ST6GALNAC3: variants seen among roughly 807,000 people sequenced by gnomAD.
ST6GALNAC3 encodes alpha-N-acetylgalactosaminide alpha-2,6-sialyltransferase 3.
In ST6GALNAC3, 25 loss-of-function variants were observed where a neutral mutation model predicts 32.7. The ratio of observed to expected loss-of-function variants is 0.76; its 90% CI spans 0.56 to 1.07. ST6GALNAC3 has a LOEUF of 1.07. ST6GALNAC3 is among the 50% of genes least tolerant of loss of function. The pLI is 0.00. For missense variants in ST6GALNAC3, 355 were observed against 382.4 expected, an observed-to-expected ratio of 0.93 and a Z score of 0.60; for synonymous variants, 129 against 133.1, an observed-to-expected ratio of 0.97 and a Z score of 0.21.
chr1:76,307,576 T>C (rs1456868139), intron 1 of ST6GALNAC3, among the ~76,000 whole-genome samples: 1 of 152,142 alleles, frequency 6.6e-6, no homozygotes, highest in Non-Finnish European at 1.5e-5. Context: ...ATATTTATTA[T>C]TGAATAAATG....
At position 76,613,974 on chromosome 1, in the gene ST6GALNAC3, ACAT is replaced by A; in HGVS notation, c.624-13474_624-13472del. ...ACATCTCCTTGGTATATCCTTAGAC[ACAT>A]CATGGAGTCTCTCTGTTACATCATC... On this transcript the variant is annotated intron_variant, in intron 3 of 4. Transcript: ENST00000328299. Among the ~76,000 whole-genome samples, 3 of 152,368 alleles carry A rather than the reference ACAT, an allele frequency of 2.0e-5. 1 individual carries two copies. In the East Asian group the frequency reaches 5.8e-4, roughly 29 times the overall value.
chr1:76,100,552 C>T (rs1459413364), intron 1 of ST6GALNAC3, among the ~76,000 whole-genome samples: 1 of 152,118 alleles, frequency 6.6e-6, no homozygotes, highest in Non-Finnish European at 1.5e-5. Flanking sequence ...GATGGATTAA[C>T]ATTTTTATAT....
intron 1 of ST6GALNAC3, among the ~76,000 whole-genome samples, chr1:76,197,215 G>T (rs367712626): frequency 3.3e-5 from 5 of 152,262 alleles, no homozygotes; most frequent in East Asian, 3.9e-4. Flanking sequence ...TGCTGATGAA[G>T]ATGTGCTAAA....
chr1:76,592,020 G>A (rs1171357621), intron 3 of ST6GALNAC3, among the ~76,000 whole-genome samples: 1 of 152,182 alleles, frequency 6.6e-6, no homozygotes, highest in African/African-American at 2.4e-5. Context: ...GAAATGTAAA[G>A]AGAGATAAAA....
chr1:76,631,966 A>AT lies in ST6GALNAC3; in HGVS notation c.*3164dup, dbSNP rs1649319689. The AT allele has an allele frequency of 6.6e-6, 1 of 152,076 alleles. No homozygotes were observed. The highest frequency in any genetic ancestry group is 2.4e-5 in the African/African-American group (1 of 41,422). 9.4% of individuals were successfully genotyped at this position (152,076 alleles called of 1,614,324 possible). A position where few individuals can be genotyped will look rare whatever the true frequency, so the allele number is the denominator to read the frequency against. On this transcript the variant is annotated 3_prime_UTR_variant, in exon 5 of 5. Transcript: ENST00000328299. ...AATAAGAAACCTTTTAGAGTATATGATTTTACATTGCTATCAAACCTATCA... is the reference window on the plus strand; with the variant it reads ...AATAAGAAACCTTTTAGAGTATATGATTTTTACATTGCTATCAAACCTATCA...
At chr1:76,130,055 C>A (rs1649511881) in intron 1 of ST6GALNAC3, among the ~76,000 whole-genome samples, 1 of 152,192 alleles carries the variant, frequency 6.6e-6, no homozygotes, top group Non-Finnish European at 1.5e-5. Flanking sequence ...CAGCGTGTGG[C>A]CCTTCCAACT....
chr1:76,239,223 C>G (rs1228330306), intron 1 of ST6GALNAC3, among the ~76,000 whole-genome samples: 1 of 152,030 alleles, frequency 6.6e-6, no homozygotes, highest in Non-Finnish European at 1.5e-5. Context: ...AAGGGTGATG[C>G]TCTTTCTTCT....
intron 3 of ST6GALNAC3, among the ~76,000 whole-genome samples, chr1:76,618,482 G>A (rs1648434135): frequency 6.6e-6 from 1 of 152,120 alleles, no homozygotes; most frequent in African/African-American, 2.4e-5. Flanking sequence ...TTAACACAAT[G>A]TCTAGTACAT....
At chr1:76,622,689 T>C (rs1648725047) in intron 3 of ST6GALNAC3, among the ~76,000 whole-genome samples, 1 of 152,002 alleles carries the variant, frequency 6.6e-6, no homozygotes, top group Non-Finnish European at 1.5e-5. Flanking sequence ...AACTCTAATC[T>C]AGAGAAAGTG....
downstream of ST6GALNAC3, among the ~76,000 whole-genome samples, chr1:76,636,457 T>C (rs1205692453): frequency 6.6e-6 from 1 of 152,178 alleles, no homozygotes; most frequent in African/African-American, 2.4e-5. Context: ...ATATAATTGC[T>C]ATTTCTTGAA....
chr1:76,565,341 G>T (rs1665491399), intron 3 of ST6GALNAC3, among the ~76,000 whole-genome samples: 1 of 152,166 alleles, frequency 6.6e-6, no homozygotes, highest in Non-Finnish European at 1.5e-5. Context: ...CTTTGGTGGA[G>T]CTACCACTGT....
At chr1:76,163,585 A>G (rs919340621) in intron 1 of ST6GALNAC3, among the ~76,000 whole-genome samples, 1 of 152,212 alleles carries the variant, frequency 6.6e-6, no homozygotes, top group Non-Finnish European at 1.5e-5. Flanking sequence ...ACATTTTAAC[A>G]TCTCTAAAAC....
chr1:76,138,672 A>G (rs537070394), intron 1 of ST6GALNAC3, among the ~76,000 whole-genome samples: 13 of 152,356 alleles, frequency 8.5e-5, no homozygotes, highest in Admixed American at 5.9e-4. Flanking sequence ...TCTACTTGAC[A>G]TATCATATCT....
intron 1 of ST6GALNAC3, among the ~76,000 whole-genome samples, chr1:76,311,074 C>A (rs1248278470): frequency 6.6e-6 from 1 of 152,106 alleles, no homozygotes; most frequent in Non-Finnish European, 1.5e-5. Flanking sequence ...ATTTCTCCCA[C>A]CTAAATCAAG....
At chr1:76,548,854 T>A (rs965161238) in intron 3 of ST6GALNAC3, among the ~76,000 whole-genome samples, 1 of 152,194 alleles carries the variant, frequency 6.6e-6, no homozygotes, top group Non-Finnish European at 1.5e-5. Context: ...TAGTTGTACA[T>A]TTTAATCCCA....
At chr1:76,171,868 AC>A (rs1327662640) in intron 1 of ST6GALNAC3, among the ~76,000 whole-genome samples, 2 of 17,044 alleles carry the variant, frequency 1.2e-4, no homozygotes, top group East Asian at 0.077. Context: ...ACAGGACCAG[AC>A]AGATTCACAG....
intron 3 of ST6GALNAC3, among the ~76,000 whole-genome samples, chr1:76,545,096 C>T (rs1408195536): frequency 6.6e-6 from 1 of 152,210 alleles, no homozygotes; most frequent in Non-Finnish European, 1.5e-5. Flanking sequence ...GGAATTACCT[C>T]ATTTTGGTAG....
At chr1:76,453,900 T>C (rs575960487) in intron 3 of ST6GALNAC3, among the ~76,000 whole-genome samples, 1 of 152,178 alleles carries the variant, frequency 6.6e-6, no homozygotes, top group Admixed American at 6.6e-5. Context: ...ACTATTATTG[T>C]GTTGCTGTCT....
intron 3 of ST6GALNAC3, among the ~76,000 whole-genome samples, chr1:76,565,891 A>G (rs1270893666): frequency 1.3e-5 from 2 of 152,160 alleles, no homozygotes; most frequent in African/African-American, 4.8e-5. Flanking sequence ...GTAATTCAAA[A>G]TTGTTATCTC....
Sources: gnomAD v4.1 joint callset for allele counts (sites outside exome capture counted in the v4.1 genomes callset) on GRCh38, gnomAD v4.1.1 for gene constraint, MANE v1.5 for transcripts, NCBI Gene and HGNC (gene_info 2026-07-23, HGNC 2026-07-21) for gene names.